The following MFHAS1 variants were observed in gnomAD, a reference collection of about 807,000 sequenced individuals.
MFHAS1 encodes the protein multifunctional ROCO family signaling regulator 1.
In MFHAS1, 50 loss-of-function variants were observed where a neutral mutation model predicts 70.4. The observed-to-expected ratio is 0.71, with a 90% confidence interval of 0.57 to 0.90. The LOEUF (loss-of-function observed/expected upper bound fraction) is 0.90, where lower values mean the gene tolerates loss of function less well. Among genes scored for constraint, MFHAS1 ranks in the 40% least tolerant of loss-of-function variants. The probability of loss-of-function intolerance (pLI) is 0.00; values close to 1 mark genes in which losing one functional copy is unlikely to be tolerated. For missense variants in MFHAS1, 1,795 were observed against 1,347.6 expected, an observed-to-expected ratio of 1.33 and a Z score of -5.20; for synonymous variants, 952 against 620.0, an observed-to-expected ratio of 1.54 and a Z score of -7.96.
chr8:8,799,205 G>C (rs11992051), intron 1 of MFHAS1, among the ~76,000 whole-genome samples: 2 of 152,164 alleles, frequency 1.3e-5, no homozygotes, highest in Admixed American at 1.3e-4. Flanking sequence ...CCTATAAGTA[G>C]ATACCTATGA....
intron 1 of MFHAS1, among the ~76,000 whole-genome samples, chr8:8,872,393 C>T (rs1166691647): frequency 3.3e-5 from 5 of 152,092 alleles, no homozygotes; most frequent in South Asian, 2.1e-4. Flanking sequence ...TAAAAGGGGA[C>T]GGCAGGAGGA....
At chr8:8,876,812 T>A (rs993727569) in intron 1 of MFHAS1, among the ~76,000 whole-genome samples, 12 of 152,040 alleles carry the variant, frequency 7.9e-5, no homozygotes, top group African/African-American at 2.9e-4. Context: ...TTCTAAATAG[T>A]GGTCCCAGTT....
At chr8:8,801,921 G>T (rs1034544265) in intron 1 of MFHAS1, among the ~76,000 whole-genome samples, 1 of 152,186 alleles carries the variant, frequency 6.6e-6, no homozygotes, top group African/African-American at 2.4e-5. Flanking sequence ...ACAGGACTGG[G>T]AAAGACTTCA....
At chr8:8,818,197 G>C (rs1438437365) in intron 1 of MFHAS1, among the ~76,000 whole-genome samples, 2 of 126,468 alleles carry the variant, frequency 1.6e-5, no homozygotes, top group Non-Finnish European at 3.9e-5. Context: ...AAAGTCAGTA[G>C]ACTCAGAAGA....
intron 1 of MFHAS1, among the ~76,000 whole-genome samples, chr8:8,884,059 C>CAT (rs764078834): frequency 4.3e-5 from 4 of 93,656 alleles, no homozygotes; most frequent in African/African-American, 2.5e-4. Flanking sequence ...CACACACACA[C>CAT]ACACACACAC....
At chr8:8,860,230 C>T (rs1054785778) in intron 1 of MFHAS1, among the ~76,000 whole-genome samples, 2 of 152,204 alleles carry the variant, frequency 1.3e-5, no homozygotes, top group African/African-American at 4.8e-5. Flanking sequence ...ACTCACACGA[C>T]AGCCCTTCTT....
intron 1 of MFHAS1, among the ~76,000 whole-genome samples, chr8:8,841,714 T>G (rs1807833248): frequency 6.6e-6 from 1 of 152,128 alleles, no homozygotes; most frequent in Non-Finnish European, 1.5e-5. Context: ...AGCCCCTGGT[T>G]ATACTCTTCC....
intron 1 of MFHAS1, among the ~76,000 whole-genome samples, chr8:8,871,729 C>T (rs1191645609): frequency 6.6e-6 from 1 of 152,180 alleles, no homozygotes; most frequent in African/African-American, 2.4e-5. Context: ...GTCCAGGCCC[C>T]CGACTTCCTA....
chr8:8,814,622 T>C (rs142840515), intron 1 of MFHAS1, among the ~76,000 whole-genome samples: 1 of 152,286 alleles, frequency 6.6e-6, no homozygotes, highest in East Asian at 1.9e-4. Context: ...GAGAAAATAT[T>C]TGCAAAGTAT....
At chr8:8,879,166 C>G (rs892526545) in intron 1 of MFHAS1, among the ~76,000 whole-genome samples, 1 of 151,980 alleles carries the variant, frequency 6.6e-6, no homozygotes, top group Non-Finnish European at 1.5e-5. Context: ...CTGGCCAACA[C>G]GATGAAACCC....
intron 1 of MFHAS1, among the ~76,000 whole-genome samples, chr8:8,875,888 A>G (rs1490538478): frequency 2.0e-5 from 3 of 152,186 alleles, no homozygotes; most frequent in East Asian, 1.9e-4. Context: ...TGCCCGGCCT[A>G]TAAGTTTTTA....
chr8:8,821,756 C>T (rs1028946565), intron 1 of MFHAS1: 3 of 152,222 alleles, frequency 2.0e-5, no homozygotes, highest in African/African-American at 7.2e-5. Flanking sequence ...TGCTATCAAA[C>T]CTAGTCTAGG....
intron 1 of MFHAS1, among the ~76,000 whole-genome samples, chr8:8,859,145 G>A (rs149783231): frequency 2.0e-5 from 3 of 152,338 alleles, no homozygotes; most frequent in African/African-American, 7.2e-5. Flanking sequence ...TTGAGGTCAG[G>A]AGTTCGAGAC....
rs777138479 is a variant in MFHAS1, at chr8:8,890,335, G to T, written c.2724C>A (p.His908Gln). 2.5e-6 allele frequency: 4 copies of T among 1,614,216 alleles called. No individual in the cohort carries two copies. Among genetic ancestry groups the T allele is most frequent in the Non-Finnish European group, 3.4e-6 (4 of 1,180,042 alleles). The change falls in exon 1 of 3, where the codon CAC becomes CAA. Residue 908 changes from histidine (H) to glutamine (Q), a missense_variant. Physicochemically the swap from His to Gln is conservative, Grantham distance 24. Coordinates refer to ENST00000276282, the MANE Select transcript of MFHAS1 (RefSeq NM_004225.3). ...YSVQINSHVV[H>Q]RSDGKFQIFA... ...AGATCTGAAATTTACCATCCGACCT[G>T]TGCACCACATGGCTGTTGATCTGGA...
intron 1 of MFHAS1, among the ~76,000 whole-genome samples, chr8:8,877,485 G>T (rs868358075): frequency 6.6e-6 from 1 of 152,064 alleles, no homozygotes; most frequent in Admixed American, 6.6e-5. Flanking sequence ...GGTCTATTAG[G>T]GTAAGATTTA....
chr8:8,877,243 T>G (rs1809331028), intron 1 of MFHAS1, among the ~76,000 whole-genome samples: 1 of 141,092 alleles, frequency 7.1e-6, no homozygotes, highest in African/African-American at 2.6e-5. Context: ...AAGGCTTTAG[T>G]GAGCTGTGAC....
At chr8:8,816,404 C>A (rs1218199326) in intron 1 of MFHAS1, among the ~76,000 whole-genome samples, 1 of 152,166 alleles carries the variant, frequency 6.6e-6, no homozygotes, top group Non-Finnish European at 1.5e-5. Context: ...GCATGACCAT[C>A]CTCCCCAAGA....
chr8:8,888,057 C>T (rs989441654), intron 1 of MFHAS1, among the ~76,000 whole-genome samples: 1 of 152,082 alleles, frequency 6.6e-6, no homozygotes, highest in African/African-American at 2.4e-5. Flanking sequence ...CACTTTATTC[C>T]ATTTGGTATC....
At position 8,890,610 on chromosome 8, in the gene MFHAS1, A is replaced by G. The variant is rs1809962139; in HGVS notation, c.2449T>C (p.Leu817=). Residue 817 remains leucine (L), a synonymous_variant, in exon 1 of 3, where the codon TTG becomes CTG. Coordinates refer to ENST00000276282, the MANE Select transcript of MFHAS1 (RefSeq NM_004225.3). The stretch of plus-strand genomic sequence containing the variant: ...TCCAGCAGCTCCAGCAACAGCTGCA[A>G]GTCCTGCTGGGCCTGGACATGAGGC... ...LKPHVQAQQD[L]QLLLELLEKM... is the part of the protein sequence containing the mutation. The G allele has an allele frequency of 6.2e-7, 1 of 1,613,860 alleles. No homozygotes were observed. The highest frequency in any genetic ancestry group is 8.5e-7 in the Non-Finnish European group (1 of 1,180,034).
Sources: gnomAD v4.1 joint callset for allele counts (sites outside exome capture counted in the v4.1 genomes callset) on GRCh38, gnomAD v4.1.1 for gene constraint, MANE v1.5 for transcripts, NCBI Gene and HGNC (gene_info 2026-07-23, HGNC 2026-07-21) for gene names.